GOLGA8B: variants seen among roughly 807,000 people sequenced by gnomAD.
GOLGA8B encodes the protein golgin A8 family member B.
A neutral mutation model predicts 15.6 loss-of-function variants in GOLGA8B; 1 was observed. The ratio of observed to expected loss-of-function variants is 0.06; its 90% confidence interval spans 0.02 to 0.30. The LOEUF (loss-of-function observed/expected upper bound fraction) is 0.30. Among genes scored for constraint, GOLGA8B ranks in the 10% least tolerant of loss-of-function variants. GOLGA8B has a pLI of 1.00. For missense variants in GOLGA8B, 17 were observed against 201.3 expected (o/e 0.08, Z 5.54); for synonymous variants, 9 against 80.3 (o/e 0.11, Z 4.75).
chr15:34,569,550 T>C (rs1888849206), intron 1 of GOLGA8B, among the ~76,000 whole-genome samples: 1 of 151,564 alleles, frequency 6.6e-6, no homozygotes, highest in African/African-American at 2.4e-5. Context: ...CAGTCCCAAG[T>C]CCCCGAGCAT....
chr15:34,576,941 C>A (rs1208906083), intron 1 of GOLGA8B, among the ~76,000 whole-genome samples: 1 of 151,934 alleles, frequency 6.6e-6, no homozygotes, highest in Non-Finnish European at 1.5e-5. Flanking sequence ...TTGCACACAT[C>A]TCATCTCCTC....
At chr15:34,570,177 C>T (rs1357177682) in intron 1 of GOLGA8B, among the ~76,000 whole-genome samples, 1 of 151,960 alleles carries the variant, frequency 6.6e-6, no homozygotes, top group East Asian at 1.9e-4. Flanking sequence ...CCAGTGGCTG[C>T]CAGCTTGCTG....
chr15:34,571,438 CA>C (rs961155155), intron 1 of GOLGA8B, among the ~76,000 whole-genome samples: 1 of 151,388 alleles, frequency 6.6e-6, no homozygotes, highest in African/African-American at 2.4e-5. Flanking sequence ...TAAGTCTTAC[CA>C]AAAGCCACCG....
rs950848915 is a variant in GOLGA8B, at chr15:34,525,947, A to G, written c.*1685T>C. On this transcript the variant is annotated 3_prime_UTR_variant, in exon 24 of 24. Coordinates refer to ENST00000683415, the MANE Select transcript of GOLGA8B (RefSeq NM_001023567.5). ...CATACATATCTCCCTACAACCTAAT[A>G]ATGTGATGTGTTTTGGAACACAGAC... is the stretch of plus-strand genomic sequence containing the variant. 8 of 149,098 alleles carry G rather than the reference A, an allele frequency of 5.4e-5. 1 individual carries two copies. The highest frequency in any genetic ancestry group is 2.0e-4 in the African/African-American group (8 of 40,284). 9.2% of individuals were successfully genotyped at this position (149,098 alleles called of 1,614,324 possible). A position where few individuals can be genotyped will look rare whatever the true frequency, so the allele number is the denominator to read the frequency against.
intron 1 of GOLGA8B, among the ~76,000 whole-genome samples, chr15:34,578,706 G>A (rs1889147724): frequency 6.6e-6 from 1 of 152,178 alleles, no homozygotes; most frequent in South Asian, 2.1e-4. Context: ...CCGATGATGC[G>A]TGTTTCATTC....
chr15:34,563,628 G>A (rs1888681584), intron 1 of GOLGA8B, among the ~76,000 whole-genome samples: 1 of 151,862 alleles, frequency 6.6e-6, no homozygotes, highest in African/African-American at 2.4e-5. Context: ...GGAGCCTCAG[G>A]AAAAAGAGCA....
chr15:34,578,657 GACAA>G (rs988324660), intron 1 of GOLGA8B, among the ~76,000 whole-genome samples: 2 of 152,288 alleles, frequency 1.3e-5, no homozygotes, highest in African/African-American at 2.4e-5. Context: ...TATTTAAAAT[GACAA>G]ACAAAGAGGG....
intron 1 of GOLGA8B, among the ~76,000 whole-genome samples, chr15:34,573,799 T>C (rs551733634): frequency 6.3e-4 from 95 of 151,972 alleles, no homozygotes; most frequent in African/African-American, 1.9e-3. Flanking sequence ...TCAGCAGCTT[T>C]TCCTTGGATT....
intron 1 of GOLGA8B, among the ~76,000 whole-genome samples, chr15:34,579,088 C>A (rs1889160503): frequency 6.6e-6 from 1 of 152,028 alleles, no homozygotes; most frequent in Non-Finnish European, 1.5e-5. Flanking sequence ...CAAGAGGCCT[C>A]ATGCGCACAT....
intron 1 of GOLGA8B, among the ~76,000 whole-genome samples, chr15:34,581,023 G>A (rs189955134): frequency 3.1e-3 from 465 of 152,332 alleles, no homozygotes; most frequent in African/African-American, 0.011. Context: ...CTAAGGACCA[G>A]GCTGAAACGC....
intron 1 of GOLGA8B, among the ~76,000 whole-genome samples, chr15:34,568,960 C>G (rs534430085): frequency 6.7e-6 from 1 of 148,764 alleles, no homozygotes; most frequent in Non-Finnish European, 1.5e-5. Context: ...CTCTCGCTCT[C>G]GCTCTCTCTC....
In GOLGA8B at chr15:34,578,720, T is replaced by C. The variant is rs1341029669; in HGVS notation, c.-1123+4796A>G. Among the ~76,000 whole-genome samples the C allele has an allele frequency of 3.3e-5, 5 of 152,350 alleles. No homozygotes were observed. In the East Asian group the frequency reaches 9.6e-4, roughly 29 times the overall value. On this transcript the variant is annotated intron_variant, in intron 1 of 23. Coordinates refer to ENST00000683415, the MANE Select transcript of GOLGA8B (RefSeq NM_001023567.5). ...CCCGATGATGCGTGTTTCATTCCAG[T>C]GGTTTCGCCATGAAAACCATCTTTA... is the stretch of plus-strand genomic sequence containing the variant.
At chr15:34,572,422 G>A (rs57609866) in intron 1 of GOLGA8B, among the ~76,000 whole-genome samples, 5,366 of 152,286 alleles carry the variant, frequency 0.035, 296 homozygotes, top group African/African-American at 0.12. Flanking sequence ...AGTTCAATAA[G>A]TAAACAGTCA....
At chr15:34,575,939 G>A (rs1427633875) in intron 1 of GOLGA8B, among the ~76,000 whole-genome samples, 1 of 152,212 alleles carries the variant, frequency 6.6e-6, no homozygotes, top group Non-Finnish European at 1.5e-5. Context: ...GTGGATAGAT[G>A]GACAGTGCTC....
At chr15:34,577,484 C>A (rs1287528462) in intron 1 of GOLGA8B, among the ~76,000 whole-genome samples, 3 of 146,796 alleles carry the variant, frequency 2.0e-5, no homozygotes, top group Admixed American at 6.9e-5. Flanking sequence ...CCAAACCAAC[C>A]AAATGAAAAA....
intron 1 of GOLGA8B, among the ~76,000 whole-genome samples, chr15:34,573,866 A>C (rs1380031200): frequency 1.3e-5 from 2 of 151,530 alleles, no homozygotes; most frequent in Non-Finnish European, 2.9e-5. Flanking sequence ...GCAGCCTGCC[A>C]GCCATCGGAC....
At chr15:34,566,191 G>C (rs1385774329) in intron 1 of GOLGA8B, 1 of 141,908 alleles carries the variant, frequency 7.0e-6, no homozygotes, top group East Asian at 2.0e-4. Flanking sequence ...TGGGGGAGGC[G>C]GAAAGGGGAG....
chr15:34,559,236 G>A (rs1457406672), intron 1 of GOLGA8B, among the ~76,000 whole-genome samples: 16 of 147,058 alleles, frequency 1.1e-4, no homozygotes, highest in East Asian at 2.1e-4. Context: ...AGTAGAATGC[G>A]GGTGGCCAGG....
rs1372192164 is a variant in GOLGA8B at position 34,527,561 on chromosome 15, TAGG to T, written c.*68_*70del. ...ATTCAAATGAAGTAAATGAATTGTG[TAGG>T]AGATTAACCCCATAACTTTGTTTCG... On this transcript the variant is annotated 3_prime_UTR_variant, in exon 24 of 24. Transcript: ENST00000683415. The T allele has an allele frequency of 8.4e-6, 7 of 835,206 alleles. No homozygotes were observed. The highest frequency in any genetic ancestry group is 2.0e-5 in the African/African-American group (1 of 50,228). The allele number at this position is 835,206 out of a possible 1,614,324, so 51.7% of individuals were successfully genotyped here. A position where few individuals can be genotyped will look rare whatever the true frequency, so the allele number is the denominator to read the frequency against.
Sources: gnomAD v4.1 joint callset for allele counts (sites outside exome capture counted in the v4.1 genomes callset) on GRCh38, gnomAD v4.1.1 for gene constraint, MANE v1.5 for transcripts, NCBI Gene and HGNC (gene_info 2026-07-23, HGNC 2026-07-21) for gene names.